Variants in MIA2 observed in about 807,000 individuals in gnomAD.
MIA2 encodes MIA SH3 domain ER export factor 2.
MIA2 carries 127 observed loss-of-function variants against 167.8 expected under a neutral mutation model. The observed-to-expected ratio is 0.76, with a 90% CI of 0.66 to 0.88. MIA2 has a LOEUF of 0.88. MIA2 is among the 40% of genes least tolerant of loss of function. The pLI, the probability that MIA2 is intolerant of heterozygous loss-of-function variation, is 0.00. For missense variants in MIA2, 1,690 were observed against 1,624.7 expected, an observed-to-expected ratio of 1.04 and a Z score of -0.69; for synonymous variants, 552 against 541.9, an observed-to-expected ratio of 1.02 and a Z score of -0.26.
rs113104765 is a variant in MIA2, at chr14:39,357,092, G to A, written c.2248+8115G>A. On this transcript the variant is annotated intron_variant, in intron 23 of 23. Transcript: ENST00000341502. ...TCCACTTGGTGCAGAGCTGAGTTCA[G>A]TTCCTGGATATCCTTGTTAACTTTC... Among the ~76,000 whole-genome samples, 28 of 152,248 alleles carry A rather than the reference G, an allele frequency of 1.8e-4. 1 individual carries two copies. Among genetic ancestry groups the A allele is most frequent in the African/African-American group, 5.1e-4 (21 of 41,562 alleles).
intron 24 of MIA2, among the ~76,000 whole-genome samples, chr14:39,321,762 AT>A (rs35965549): frequency 0.89 from 116,893 of 132,026 alleles, 51,572 homozygotes; most frequent in East Asian, 0.93. Context: ...TATATATGTA[AT>A]TTTTTTTTTT....
intron 6 of MIA2, chr14:39,267,122 C>T (rs925108540): frequency 6.1e-5 from 70 of 1,138,760 alleles, no homozygotes; most frequent in Middle Eastern, 3.8e-4. Flanking sequence ...TGCGGCTGTC[C>T]GCGCCTCCCC....
chr14:39,355,276 C>T (rs2074492102), downstream of MIA2, among the ~76,000 whole-genome samples: 1 of 152,126 alleles, frequency 6.6e-6, no homozygotes, highest in Non-Finnish European at 1.5e-5. Flanking sequence ...TCTTCACATC[C>T]CTTGTAAGTT....
chr14:39,335,021 A>G lies in MIA2; in HGVS notation c.3655+7999A>G, dbSNP rs58066390. 1.2e-4 allele frequency among the ~76,000 whole-genome samples: 19 copies of G among 152,182 alleles called. No individual in the cohort carries two copies. In the East Asian group the frequency reaches 3.3e-3, roughly 26 times the overall value. On this transcript the variant is annotated intron_variant, in intron 25 of 28. Coordinates refer to ENST00000640607, the MANE Select transcript of MIA2 (RefSeq NM_001329214.4). ...TCCTAGCACTTTGGGAGGATGAGGT[A>G]GGAGGATTGCTTGAGGCCAGGAGTT...
intron 2 of MIA2, among the ~76,000 whole-genome samples, chr14:39,237,421 C>T (rs1220282857): frequency 6.6e-6 from 1 of 152,162 alleles, no homozygotes; most frequent in African/African-American, 2.4e-5. Context: ...AGCCACCGCA[C>T]CCGCCCAAGG....
At chr14:39,308,112 A>G (rs958967495) in intron 17 of MIA2, among the ~76,000 whole-genome samples, 3 of 152,252 alleles carry the variant, frequency 2.0e-5, no homozygotes, top group East Asian at 1.9e-4. Flanking sequence ...TTATTTTTGA[A>G]TAGCTAGAAG....
In MIA2 at chr14:39,237,354, C is replaced by G. The variant is rs115183670; in HGVS notation, c.249+299C>G. The G allele has an allele frequency of 3.5e-3, 1,242 of 355,114 alleles. 16 individuals carry two copies. The highest frequency in any genetic ancestry group is 0.023 in the African/African-American group (1,092 of 46,940). The allele number at this position is 355,114 out of a possible 1,614,324, so 22.0% of individuals were successfully genotyped here. A position where few individuals can be genotyped will look rare whatever the true frequency, so the allele number is the denominator to read the frequency against. On this transcript the variant is annotated intron_variant, in intron 2 of 28. Coordinates refer to ENST00000640607, the MANE Select transcript of MIA2 (RefSeq NM_001329214.4). ...TGTTGCCCAGGCTGGTCACAAACCCCTGAGCTAAAGTAATCTGCCTGCTTC... is the reference window on the plus strand; with the variant it reads ...TGTTGCCCAGGCTGGTCACAAACCCGTGAGCTAAAGTAATCTGCCTGCTTC...
chr14:39,267,221 G>C (rs1030743648), intron 6 of MIA2: 18 of 1,362,116 alleles, frequency 1.3e-5, no homozygotes, highest in Non-Finnish European at 1.3e-5. Flanking sequence ...GTCGGGCTCG[G>C]ACCTGCGCTG....
chr14:39,277,095 G>A (rs1566679072), intron 7 of MIA2, 30 bp downstream of exon 7: 2 of 1,589,900 alleles, frequency 1.3e-6, no homozygotes, highest in East Asian at 4.5e-5. Flanking sequence ...CTAAGAGAAT[G>A]TTCATTTTGT....
intron 9 of MIA2, among the ~76,000 whole-genome samples, chr14:39,285,381 GC>G (rs1366258686): frequency 7.0e-6 from 1 of 142,742 alleles, no homozygotes; most frequent in Non-Finnish European, 1.6e-5. Context: ...GGCGGGGGCT[GC>G]CCCCCACCTC....
Position 39,234,177 on chromosome 14 carries a change from G to C in MIA2, c.63G>C (p.Glu21Asp), listed in dbSNP as rs1429482302. 1 of 1,610,160 alleles carries C rather than the reference G, an allele frequency of 6.2e-7. No homozygotes were observed. Among genetic ancestry groups the C allele is most frequent in the Admixed American group, 1.7e-5 (1 of 59,232 alleles). Residue 21 changes from glutamate (E) to aspartate (D), a missense_variant, in exon 1 of 29, where the codon GAG becomes GAC. Physicochemically the swap from Glu to Asp is conservative, Grantham distance 45. Coordinates refer to ENST00000640607, the MANE Select transcript of MIA2 (RefSeq NM_001329214.4). ...CTATTTCTCTGACAAAGTGTCTGGA[G>C]AGTACAAAACTGCTGGCAGACCTTA... ...LLAISLTKCLESTKLLADLKK... is the reference protein window; with the variant it reads ...LLAISLTKCLDSTKLLADLKK...
Position 39,247,860 on chromosome 14 carries a change from C to G in MIA2, c.1286C>G (p.Thr429Arg). 6.3e-7 allele frequency: 1 copy of G among 1,587,222 alleles called. No homozygotes were observed. Reference sequence around the variant, plus strand: ...CCTGAAAAAGAACAAGAAATAGAAACGATAAAAATTATAGAAACAGAAGAT... The same window carrying G: ...CCTGAAAAAGAACAAGAAATAGAAAGGATAAAAATTATAGAAACAGAAGAT... ...LDPEKEQEIE[T>R]IKIIETEDQI... Residue 429 changes from threonine (T) to arginine (R), a missense_variant, in exon 4 of 29, where the codon ACG becomes AGG. Thr to Arg is a moderately conservative substitution (Grantham distance 71, BLOSUM62 -1). Coordinates refer to ENST00000640607, the MANE Select transcript of MIA2 (RefSeq NM_001329214.4).
chr14:39,350,492 T>C lies in MIA2; in HGVS notation c.*228T>C. 1 of 383,202 alleles carries C rather than the reference T, an allele frequency of 2.6e-6. No individual in the cohort carries two copies. Among genetic ancestry groups the C allele is most frequent in the Non-Finnish European group, 4.6e-6 (1 of 215,116 alleles). The allele number at this position is 383,202 out of a possible 1,614,324, so 23.7% of individuals were successfully genotyped here. A position where few individuals can be genotyped will look rare whatever the true frequency, so the allele number is the denominator to read the frequency against. The stretch of plus-strand genomic sequence containing the variant: ...TATTTCAATTTGATTAATCCACTAT[T>C]ATATAAACAATAGTGGGAGTTTTAT... On this transcript the variant is annotated 3_prime_UTR_variant, in exon 29 of 29. Coordinates refer to ENST00000640607, the MANE Select transcript of MIA2 (RefSeq NM_001329214.4).
intron 9 of MIA2, among the ~76,000 whole-genome samples, chr14:39,280,718 T>C (rs1403280954): frequency 6.6e-6 from 1 of 151,576 alleles, no homozygotes; most frequent in Non-Finnish European, 1.5e-5. Context: ...GGCAACAGAG[T>C]GAGACTCCTT....
At position 39,247,069 on chromosome 14, in the gene MIA2, T is replaced by G; in HGVS notation, c.495T>G (p.Phe165Leu). The G allele has an allele frequency of 6.2e-7, 1 of 1,606,226 alleles. No individual in the cohort carries two copies. The highest frequency in any genetic ancestry group is 2.2e-5 in the East Asian group (1 of 44,848). The change falls in exon 4 of 29, where the codon TTT becomes TTG. Residue 165 changes from phenylalanine (F) to leucine (L), a missense_variant. Physicochemically the swap from Phe to Leu is conservative, Grantham distance 22. Coordinates refer to ENST00000640607, the MANE Select transcript of MIA2 (RefSeq NM_001329214.4). ...YESDFQIEPGFYATYESTLFE... is the reference protein window; with the variant it reads ...YESDFQIEPGLYATYESTLFE... ...GTGATTTTCAGATAGAACCTGGATT[T>G]TATGCAACTTATGAAAGTACTTTGT... is the stretch of plus-strand genomic sequence containing the variant.
At chr14:39,320,183 A>G (rs908691756) in intron 23 of MIA2, among the ~76,000 whole-genome samples, 6 of 139,666 alleles carry the variant, frequency 4.3e-5, no homozygotes, top group Non-Finnish European at 9.1e-5. Flanking sequence ...TGGTTTGAAT[A>G]TTATACCAGC....
At chr14:39,309,103 C>T (rs1009052164) in intron 18 of MIA2, among the ~76,000 whole-genome samples, 1 of 152,120 alleles carries the variant, frequency 6.6e-6, no homozygotes, top group Non-Finnish European at 1.5e-5. Flanking sequence ...TTTTTATAGC[C>T]TGAATCTGAC....
At chr14:39,296,243 T>G (rs2061404664) in intron 13 of MIA2, among the ~76,000 whole-genome samples, 1 of 152,172 alleles carries the variant, frequency 6.6e-6, no homozygotes, top group African/African-American at 2.4e-5. Flanking sequence ...AGGAGATAAT[T>G]TTTTTAGAAC....
At chr14:39,330,485 T>C (rs553736710) in intron 25 of MIA2, among the ~76,000 whole-genome samples, 1 of 152,176 alleles carries the variant, frequency 6.6e-6, no homozygotes, top group Non-Finnish European at 1.5e-5. Flanking sequence ...ATCTTAGTTA[T>C]TTCTTGTCTT....
Sources: allele counts gnomAD v4.1 joint callset (sites outside exome capture counted in the v4.1 genomes callset), GRCh38; gene constraint gnomAD v4.1.1; transcripts MANE v1.5; gene names NCBI Gene and HGNC (gene_info 2026-07-23, HGNC 2026-07-21).